Variants in CYBA observed in about 807,000 individuals in gnomAD.
CYBA encodes cytochrome b-245 light chain.
A neutral mutation model predicts 20.8 loss-of-function variants in CYBA; 21 were observed. The observed-to-expected ratio is 1.01, with a 90% confidence interval of 0.72 to 1.46. The LOEUF (loss-of-function observed/expected upper bound fraction) is 1.46. Ranked by LOEUF, CYBA falls within the 40% of genes most tolerant of loss-of-function variation. The pLI, the probability that CYBA is intolerant of heterozygous loss-of-function variation, is 0.00. For synonymous variants in CYBA, 164 were observed against 127.5 expected, an observed-to-expected ratio of 1.29 and a Z score of -1.93; for missense variants, 344 against 287.0, an observed-to-expected ratio of 1.20 and a Z score of -1.43.
At chr16:88,650,651 C>T (rs999978890) in intron 1 of CYBA, 8 of 577,306 alleles carry the variant, frequency 1.4e-5, no homozygotes, top group East Asian at 6.5e-5. Context: ...GGGGCTGAAC[C>T]GCCTCTTCCC....
intron 3 of CYBA, 31 bp from the exon 4 acceptor site, chr16:88,646,869 G>A (rs1302446187): frequency 6.4e-7 from 1 of 1,572,506 alleles, no homozygotes; most frequent in East Asian, 2.2e-5. Flanking sequence ...AGACGGCGCG[G>A]CTGGGCCTCT....
intron 5 of CYBA, chr16:88,645,794 C>T (rs1405558996): frequency 2.2e-5 from 12 of 541,554 alleles, no homozygotes; most frequent in Middle Eastern, 4.9e-4. Flanking sequence ...CGGCCGGCTG[C>T]GTGACCCCAG....
intron 1 of CYBA, among the ~76,000 whole-genome samples, chr16:88,648,705 C>T (rs1163435792): frequency 1.3e-5 from 2 of 151,518 alleles, no homozygotes; most frequent in South Asian, 2.1e-4. Flanking sequence ...GCTACCTCCG[C>T]CTCCAGGGTT....
chr16:88,649,876 T>C (rs1376309312), intron 1 of CYBA, among the ~76,000 whole-genome samples: 2 of 152,150 alleles, frequency 1.3e-5, no homozygotes, highest in Non-Finnish European at 2.9e-5. Context: ...CCTCAGTCCG[T>C]CTACTTCCTG....
chr16:88,645,602 CAG>C (rs1490618978), intron 5 of CYBA: 6 of 608,126 alleles, frequency 9.9e-6, no homozygotes, highest in Non-Finnish European at 1.5e-5. Flanking sequence ...CCTGGCCTCT[CAG>C]AGAGATCACT....
In CYBA at chr16:88,646,139, T is replaced by C; in HGVS notation, c.346A>G (p.Ile116Val). The C allele has an allele frequency of 3.2e-6, 5 of 1,558,062 alleles. No homozygotes were observed. The highest frequency in any genetic ancestry group is 3.5e-6 in the Non-Finnish European group (4 of 1,152,726). The change falls in exon 5 of 6, where the codon ATT becomes GTT. Residue 116 changes from isoleucine (I) to valine (V), a missense_variant. Ile to Val is a conservative substitution (Grantham distance 29). Coordinates refer to ENST00000261623, the MANE Select transcript of CYBA (RefSeq NM_000101.4). The stretch of plus-strand genomic sequence containing the variant: ...ACCAGTAGGTAGATGCCGCTCGCAA[T>C]GGCCAGGCAGGCGGTCCCAAGGATG... ...ATILGTACLAIASGIYLLAAV... is the reference protein window; with the variant it reads ...ATILGTACLAVASGIYLLAAV...
chr16:88,647,489 C>G (rs1441502332), intron 2 of CYBA, among the ~76,000 whole-genome samples: 1 of 152,242 alleles, frequency 6.6e-6, no homozygotes, highest in Non-Finnish European at 1.5e-5. Flanking sequence ...TGAGTCACAG[C>G]TGCACCACTG....
chr16:88,647,799 C>A (rs1487899158), intron 2 of CYBA: 2 of 591,526 alleles, frequency 3.4e-6, no homozygotes, highest in Non-Finnish European at 6.1e-6. Flanking sequence ...GGCCCTGGCC[C>A]TCTGGTGACA....
At chr16:88,650,620 G>A (rs574964788) in intron 1 of CYBA, 2 of 529,800 alleles carry the variant, frequency 3.8e-6, no homozygotes, top group Admixed American at 2.7e-5. Flanking sequence ...GGGCTTCGGG[G>A]CGGTGACCCC....
intron 1 of CYBA, 80 bp downstream of exon 1, chr16:88,650,876 G>T: frequency 1.4e-6 from 2 of 1,461,138 alleles, no homozygotes; most frequent in Non-Finnish European, 1.9e-6. Flanking sequence ...TCCCCACCCT[G>T]TAAGTAGCCC....
At chr16:88,646,654 TG>T in intron 4 of CYBA, 100 bp downstream of exon 4, 2 of 1,006,982 alleles carry the variant, frequency 2.0e-6, no homozygotes, top group Non-Finnish European at 3.2e-6. Context: ...CTGAGGTAAG[TG>T]GGGGTGGCTC....
At chr16:88,646,304 T>TGCAAAGTCTCAGCACAAG in intron 4 of CYBA, 107 bp from the exon 5 acceptor site, 2 of 602,050 alleles carry the variant, frequency 3.3e-6, no homozygotes, top group Non-Finnish European at 5.1e-6. Flanking sequence ...CAAGGCAGAC[T>TGCAAAGTCTCAGCACAAG]GCAGACCCAG....
chr16:88,647,244 G>A lies in CYBA; in HGVS notation c.129-69C>T, dbSNP rs531777552. 2.0e-4 allele frequency: 292 copies of A among 1,481,238 alleles called. No homozygotes were observed. The African/African-American group carries it at 3.9e-3, about 20-fold the overall frequency. The allele number at this position is 1,481,238 out of a possible 1,614,324, so 91.8% of individuals were successfully genotyped here. The stretch of plus-strand genomic sequence containing the variant: ...GCCACAGGGAACTCCCTTTACTGAA[G>A]ACAACACAGAGAGGGGCCCGAGCAC... On this transcript the variant is annotated intron_variant, in intron 2 of 5. Coordinates refer to ENST00000261623, the MANE Select transcript of CYBA (RefSeq NM_000101.4).
rs752613883 is a variant in CYBA at position 88,643,422 on chromosome 16, C to A, written c.519G>T (p.Ala173=). Residue 173 remains alanine (A), a synonymous_variant, in exon 6 of 6, where the codon GCG becomes GCT. Transcript: ENST00000261623. This position sits in a 1 kb window ranked among gnomAD's most constrained non-coding sequence, Gnocchi z 4.3. ...ARKKPSEEEA[A]VAAGGPPGGP... is the part of the protein sequence containing the mutation. Reference sequence around the variant, plus strand: ...CTCCCGGGGGTCCCCCCGCCGCCACCGCAGCCTCCTCCTCGCTGGGCTTCT... The same window carrying A: ...CTCCCGGGGGTCCCCCCGCCGCCACAGCAGCCTCCTCCTCGCTGGGCTTCT... The A allele has an allele frequency of 1.3e-6, 2 of 1,532,258 alleles. No homozygotes were observed. Among genetic ancestry groups the A allele is most frequent in the East Asian group, 2.5e-5 (1 of 40,130 alleles). The allele number at this position is 1,532,258 out of a possible 1,614,324, so 94.9% of individuals were successfully genotyped here.
chr16:88,646,721 T>G (rs777320718), intron 4 of CYBA, 34 bp downstream of exon 4: 1 of 1,588,254 alleles, frequency 6.3e-7, no homozygotes, highest in Non-Finnish European at 8.6e-7. Context: ...CAAGCCCTCC[T>G]GAGCCCTAGA....
At chr16:88,645,940 G>A (rs747005642) in intron 5 of CYBA, 176 bp downstream of exon 5, 1 of 615,062 alleles carries the variant, frequency 1.6e-6, no homozygotes, top group Non-Finnish European at 2.9e-6. Context: ...CGCCAAAAAT[G>A]GCAGCAGCAA....
In CYBA at chr16:88,643,423, G is replaced by A. The variant is rs758404796; in HGVS notation, c.518C>T (p.Ala173Val). ...ARKKPSEEEA[A>V]VAAGGPPGGP... ...TCCCGGGGGTCCCCCCGCCGCCACC[G>A]CAGCCTCCTCCTCGCTGGGCTTCTT... The change falls in exon 6 of 6, where the codon GCG (alanine) becomes GTG (valine). Residue 173 changes from alanine to valine, a missense_variant. Transcript: ENST00000261623. The surrounding 1 kb of genome is among the most constrained non-coding windows in gnomAD (Gnocchi z 4.3). 7.8e-6 allele frequency: 12 copies of A among 1,532,414 alleles called. No individual in the cohort carries two copies. The highest frequency in any genetic ancestry group is 4.0e-5 in the Admixed American group (2 of 50,446). The allele number at this position is 1,532,414 out of a possible 1,614,324, so 94.9% of individuals were successfully genotyped here. A position where few individuals can be genotyped will look rare whatever the true frequency, so the allele number is the denominator to read the frequency against.
Position 88,646,828 on chromosome 16 carries a change from A to G in CYBA, c.214T>C (p.Tyr72His), listed in dbSNP as rs4673. ...GSTMERWGQKYMTAVVKLFGP... is the reference protein window; with the variant it reads ...GSTMERWGQKHMTAVVKLFGP... ...AACAGCTTCACCACGGCGGTCATGT[A>G]CTTCTGTCCCCTGGGGGAGGGAGGA... The change falls in exon 4 of 6, where the codon TAC becomes CAC. Residue 72 changes from tyrosine to histidine, a missense_variant. Tyr to His is a moderately conservative substitution (Grantham distance 83). Coordinates refer to ENST00000261623, the MANE Select transcript of CYBA (RefSeq NM_000101.4). 0.67 allele frequency: 1,082,926 copies of G among 1,612,206 alleles called. 367,613 individuals carry two copies. Among genetic ancestry groups the G allele is most frequent in the East Asian group, 0.91 (40,676 of 44,852 alleles).
At chr16:88,644,774 G>A (rs1340483708) in intron 5 of CYBA, 3 of 215,788 alleles carry the variant, frequency 1.4e-5, no homozygotes, top group South Asian at 7.1e-5. Flanking sequence ...GCAGTGAGCC[G>A]AGATCACGCC....
Sources: allele counts gnomAD v4.1 joint callset (sites outside exome capture counted in the v4.1 genomes callset), GRCh38; gene constraint gnomAD v4.1.1; non-coding constraint Gnocchi (gnomAD v3.1); transcripts MANE v1.5; gene names NCBI Gene and HGNC (gene_info 2026-07-23, HGNC 2026-07-21).